Variants in UNC5D observed in about 807,000 individuals in gnomAD.
The protein encoded by UNC5D is netrin receptor UNC5D.
UNC5D carries 39 observed loss-of-function variants against 105.4 expected under a neutral mutation model. The observed-to-expected ratio is 0.37, with a 90% CI of 0.29 to 0.48. The LOEUF is 0.48. Among genes scored for constraint, UNC5D ranks in the 20% least tolerant of loss-of-function variants. The pLI is 0.98. For missense variants in UNC5D, 991 were observed against 1,202.4 expected (o/e 0.82, Z 2.60); for synonymous variants, 452 against 450.4 (o/e 1.00, Z -0.04).
chr8:35,619,229 T>A (rs994784169), intron 4 of UNC5D, among the ~76,000 whole-genome samples: 1 of 152,180 alleles, frequency 6.6e-6, no homozygotes, highest in Admixed American at 6.5e-5. Context: ...GCCAGGGTGA[T>A]CAACCAAGAC....
intron 14 of UNC5D, among the ~76,000 whole-genome samples, chr8:35,762,751 G>A (rs748180739): frequency 6.6e-6 from 1 of 152,084 alleles, no homozygotes; most frequent in Non-Finnish European, 1.5e-5. Flanking sequence ...TAGGGGAGCT[G>A]TAATAAACAT....
At chr8:35,522,991 G>A (rs1813594230) in intron 1 of UNC5D, among the ~76,000 whole-genome samples, 1 of 151,824 alleles carries the variant, frequency 6.6e-6, no homozygotes, top group Non-Finnish European at 1.5e-5. Flanking sequence ...ATATAATGAA[G>A]CCTATTGCAT....
intron 1 of UNC5D, among the ~76,000 whole-genome samples, chr8:35,320,937 A>G (rs1357779066): frequency 2.0e-5 from 3 of 152,120 alleles, no homozygotes; most frequent in African/African-American, 7.2e-5. Flanking sequence ...TTCTTGATGA[A>G]CAAGTTTTGT....
At chr8:35,565,206 T>C (rs182812617) in intron 2 of UNC5D, among the ~76,000 whole-genome samples, 321 of 152,296 alleles carry the variant, frequency 2.1e-3, no homozygotes, top group African/African-American at 7.3e-3. Flanking sequence ...ACGCTTACAA[T>C]AGTGTGTAAC....
At chr8:35,334,452 A>G (rs1810865419) in intron 1 of UNC5D, among the ~76,000 whole-genome samples, 1 of 152,182 alleles carries the variant, frequency 6.6e-6, no homozygotes, top group South Asian at 2.1e-4. Flanking sequence ...TTAAGGGCAT[A>G]AATTTTGGAG....
intron 1 of UNC5D, among the ~76,000 whole-genome samples, chr8:35,436,559 T>C (rs1485839388): frequency 6.6e-6 from 1 of 152,054 alleles, no homozygotes; most frequent in African/African-American, 2.4e-5. Flanking sequence ...TGAGAAACTT[T>C]CTAGTATTTT....
At chr8:35,262,396 G>A (rs184287202) in intron 1 of UNC5D, among the ~76,000 whole-genome samples, 1 of 152,192 alleles carries the variant, frequency 6.6e-6, no homozygotes, top group East Asian at 1.9e-4. Flanking sequence ...AGGCAGCCCT[G>A]TTTTCTTAAA....
chr8:35,346,037 G>C (rs1811786037), intron 1 of UNC5D, among the ~76,000 whole-genome samples: 1 of 152,042 alleles, frequency 6.6e-6, no homozygotes, highest in Non-Finnish European at 1.5e-5. Context: ...TTAAAAGAGA[G>C]AAAAGAATTC....
chr8:35,278,417 G>A (rs982661472), intron 1 of UNC5D, among the ~76,000 whole-genome samples: 2 of 151,928 alleles, frequency 1.3e-5, no homozygotes, highest in African/African-American at 4.8e-5. Flanking sequence ...AAAAATCCTT[G>A]TTCTTTTTGT....
chr8:35,528,193 C>T (rs556496348), intron 1 of UNC5D, among the ~76,000 whole-genome samples: 94 of 151,338 alleles, frequency 6.2e-4, no homozygotes, highest in African/African-American at 2.2e-3. Context: ...CTATCCCTCC[C>T]CGCTCCCCCC....
chr8:35,551,309 A>G (rs1047935745), intron 2 of UNC5D, among the ~76,000 whole-genome samples: 2 of 152,226 alleles, frequency 1.3e-5, no homozygotes, highest in African/African-American at 4.8e-5. Flanking sequence ...GCTAAATTTG[A>G]GGTGCTTATG....
intron 1 of UNC5D, among the ~76,000 whole-genome samples, chr8:35,245,225 CTT>C (rs1803019360): frequency 6.6e-6 from 1 of 152,012 alleles, no homozygotes; most frequent in African/African-American, 2.4e-5. Context: ...TACAATTAGA[CTT>C]ATAATAACAA....
chr8:35,603,698 A>C (rs1481107327), intron 4 of UNC5D, among the ~76,000 whole-genome samples: 2 of 152,206 alleles, frequency 1.3e-5, no homozygotes, highest in Non-Finnish European at 2.9e-5. Context: ...CTAGGCCACT[A>C]AGGACTTGCT....
At chr8:35,573,420 A>C (rs1158379685) in intron 3 of UNC5D, among the ~76,000 whole-genome samples, 1 of 151,954 alleles carries the variant, frequency 6.6e-6, no homozygotes, top group African/African-American at 2.4e-5. Flanking sequence ...TAGCCACTGC[A>C]CTCCAGCCTG....
At chr8:35,688,367 A>G (rs967052653) in intron 7 of UNC5D, among the ~76,000 whole-genome samples, 1 of 152,228 alleles carries the variant, frequency 6.6e-6, no homozygotes, top group South Asian at 2.1e-4. Context: ...CTTCTGCTTC[A>G]GTATGACTGA....
At chr8:35,767,992 TATAAA>T (rs1801847500) in intron 15 of UNC5D, among the ~76,000 whole-genome samples, 1 of 150,766 alleles carries the variant, frequency 6.6e-6, no homozygotes, top group Non-Finnish European at 1.5e-5. Flanking sequence ...GTTTTTCACT[TATAAA>T]ATAAATATAT....
Position 35,549,431 on chromosome 8 carries a change from G to A in UNC5D, c.243G>A (p.Met81Ile). The A allele has an allele frequency of 6.2e-7, 1 of 1,613,166 alleles. No homozygotes were observed. The highest frequency in any genetic ancestry group is 8.5e-7 in the Non-Finnish European group (1 of 1,180,018). Reference sequence around the variant, plus strand: ...TCAGGTGCAAAGCGAGGCCAGCCATGCAGATATTCTTCAAATGCAACGGCG... The same window carrying A: ...TCAGGTGCAAAGCGAGGCCAGCCATACAGATATTCTTCAAATGCAACGGCG... Reference protein sequence around the residue: ...IALRCKARPAMQIFFKCNGEW... With the variant: ...IALRCKARPAIQIFFKCNGEW... Residue 81 changes from methionine to isoleucine, a missense_variant, in exon 2 of 17, where the codon ATG (methionine) becomes ATA (isoleucine). Coordinates refer to ENST00000404895, the MANE Select transcript of UNC5D (RefSeq NM_080872.4).
At chr8:35,517,056 G>A (rs973486214) in intron 1 of UNC5D, among the ~76,000 whole-genome samples, 1 of 152,198 alleles carries the variant, frequency 6.6e-6, no homozygotes, top group Non-Finnish European at 1.5e-5. Context: ...TTTGGTACAA[G>A]AGTTTTTAAA....
chr8:35,509,707 T>C (rs201317312), intron 1 of UNC5D, among the ~76,000 whole-genome samples: 1,620 of 151,834 alleles, frequency 0.011, 36 homozygotes, highest in African/African-American at 0.037. Context: ...CGTGGGTTTT[T>C]CCCCACACCA....
Sources: allele counts gnomAD v4.1 joint callset (sites outside exome capture counted in the v4.1 genomes callset), GRCh38; gene constraint gnomAD v4.1.1; transcripts MANE v1.5; gene names NCBI Gene and HGNC (gene_info 2026-07-23, HGNC 2026-07-21).